The following CEP120 variants were observed in gnomAD, a reference collection of about 807,000 sequenced individuals.
CEP120 encodes centrosomal protein 120, also known as centrosomal protein of 120 kDa.
A neutral mutation model predicts 126.5 loss-of-function variants in CEP120; 113 were observed. The observed-to-expected ratio is 0.89, with a 90% CI of 0.77 to 1.04. The LOEUF is 1.04. Among genes scored for constraint, CEP120 ranks in the 50% least tolerant of loss-of-function variants. CEP120 has a pLI of 0.00. For missense variants in CEP120, 1,230 were observed against 1,155.7 expected (o/e 1.06, Z -0.93); for synonymous variants, 400 against 394.3 (o/e 1.01, Z -0.17).
chr5:123,347,114 A>G (rs771425153), intron 19 of CEP120, among the ~76,000 whole-genome samples: 9 of 152,172 alleles, frequency 5.9e-5, no homozygotes, highest in Non-Finnish European at 8.8e-5. Context: ...AAAAATGCAT[A>G]TATGTACTTA....
chr5:123,361,690 T>TC (rs943401404), intron 18 of CEP120, among the ~76,000 whole-genome samples: 2 of 151,794 alleles, frequency 1.3e-5, no homozygotes, highest in African/African-American at 4.8e-5. Context: ...TTTGTTCTGT[T>TC]CATCAATATC....
At chr5:123,350,660 A>G (rs939192441) in intron 18 of CEP120, among the ~76,000 whole-genome samples, 1 of 152,216 alleles carries the variant, frequency 6.6e-6, no homozygotes, top group Non-Finnish European at 1.5e-5. Flanking sequence ...CTGTCCCTAT[A>G]CAAATCACTA....
intron 18 of CEP120, among the ~76,000 whole-genome samples, chr5:123,363,994 AG>A (rs1770272300): frequency 6.6e-6 from 1 of 151,570 alleles, no homozygotes; most frequent in African/African-American, 2.4e-5. Flanking sequence ...GATTGGTAGC[AG>A]GAAAGAAAAA....
In CEP120 at chr5:123,346,518, A is replaced by G. The variant is rs140012450; in HGVS notation, c.*1T>C. The G allele has an allele frequency of 7.5e-5, 120 of 1,601,394 alleles. No individual in the cohort carries two copies. The highest frequency in any genetic ancestry group is 7.2e-5 in the Non-Finnish European group (84 of 1,172,042). ...TCTCTATAAAGCTTTTCCAAATGTT[A>G]TTAATTACTGGCATTGCTTTTTGCC... On this transcript the variant is annotated 3_prime_UTR_variant, in exon 20 of 20. Transcript: ENST00000306467.
chr5:123,365,947 T>C (rs1414514886), intron 17 of CEP120, among the ~76,000 whole-genome samples: 1 of 151,110 alleles, frequency 6.6e-6, no homozygotes, highest in African/African-American at 2.4e-5. Context: ...TCAGAAAAAA[T>C]TGTGGATAGG....
Position 123,346,598 on chromosome 5 carries a change from T to C in CEP120, c.2882A>G (p.Tyr961Cys). The change falls in exon 20 of 20, where the codon TAT becomes TGT. Residue 961 changes from tyrosine (Y) to cysteine (C), a missense_variant. Physicochemically the swap from Tyr to Cys is radical, Grantham distance 194. Transcript: ENST00000306467. ...ACTTATTATTCGATCCTCGTGATTA[T>C]ACACACCCGTTCTCATCAAAGTATC... ...ERDTLMRTGV[Y>C]NHEDRIISEL... is the part of the protein sequence containing the mutation. 1.2e-6 allele frequency: 2 copies of C among 1,614,028 alleles called. No individual in the cohort carries two copies. Among genetic ancestry groups the C allele is most frequent in the South Asian group, 1.1e-5 (1 of 91,060 alleles).
intron 2 of CEP120, 92 bp downstream of exon 2, chr5:123,418,267 G>T: frequency 8.5e-7 from 1 of 1,181,484 alleles, no homozygotes; most frequent in Non-Finnish European, 1.1e-6. Context: ...AATACTTCTG[G>T]TCCCAAGTAT....
intron 3 of CEP120, 112 bp downstream of exon 3, chr5:123,415,898 A>G: frequency 3.2e-6 from 2 of 633,308 alleles, no homozygotes; most frequent in South Asian, 5.2e-5. Context: ...TATTGGCTCA[A>G]GTCTATGACT....
chr5:123,386,730 A>G, intron 9 of CEP120, 63 bp from the exon 10 acceptor site: 2 of 1,243,966 alleles, frequency 1.6e-6, no homozygotes, highest in Non-Finnish European at 2.1e-6. Flanking sequence ...GATGACATTC[A>G]GTCTGTTTTT....
Position 123,390,520 on chromosome 5 carries a change from C to T in CEP120, c.1039-380G>A, listed in dbSNP as rs574905304. Among the ~76,000 whole-genome samples, 249 of 152,248 alleles carry T rather than the reference C, an allele frequency of 1.6e-3. 1 individual carries two copies. The highest frequency in any genetic ancestry group is 5.8e-3 in the African/African-American group (239 of 41,556). The stretch of plus-strand genomic sequence containing the variant: ...TTTCCTTCTCTCCTTTATTCCACTC[C>T]CCACTAAAAATATATGTATATGTAT... On this transcript the variant is annotated intron_variant, in intron 7 of 19. Transcript: ENST00000306467.
Position 123,402,203 on chromosome 5 carries a change from C to T in CEP120, c.464-2919G>A. The T allele has an allele frequency of 1.9e-6, 3 of 1,557,430 alleles. No homozygotes were observed. The East Asian group carries it at 6.7e-5, about 35-fold the overall frequency. The stretch of plus-strand genomic sequence containing the variant: ...CACCACAGCCGCCGCCCAGGCCACC[C>T]CGAAAGCAGCTGCTGCCCACTTGGG... On this transcript the variant is annotated intron_variant, in intron 4 of 19. Coordinates refer to ENST00000306467, the MANE Select transcript of CEP120 (RefSeq NM_001375405.1).
chr5:123,374,585 T>C (rs553196703), intron 16 of CEP120, among the ~76,000 whole-genome samples: 25 of 152,198 alleles, frequency 1.6e-4, no homozygotes, highest in African/African-American at 5.5e-4. Context: ...CCCTAAGGCA[T>C]AGGACTTACC....
At position 123,418,533 on chromosome 5, in the gene CEP120, A is replaced by G. The variant is rs1201838760; in HGVS notation, c.50-18T>C. On this transcript the variant is annotated intron_variant, in intron 1 of 19. Transcript: ENST00000306467. ...ATGCCGACCTGGAGAAACAGAATAT[A>G]TAGATTAATCAAAAGTGTACAAAAA... 1 of 1,563,920 alleles carries G rather than the reference A, an allele frequency of 6.4e-7. No homozygotes were observed.
intron 18 of CEP120, among the ~76,000 whole-genome samples, chr5:123,362,393 G>GGA (rs947374121): frequency 4.0e-5 from 6 of 151,658 alleles, no homozygotes; most frequent in African/African-American, 1.5e-4. Context: ...GCCTGAGGCT[G>GGA]GATTCATCAA....
intron 17 of CEP120, among the ~76,000 whole-genome samples, chr5:123,370,285 A>G (rs1057457788): frequency 5.9e-5 from 9 of 151,982 alleles, no homozygotes; most frequent in Admixed American, 6.6e-5. Context: ...GTATCTCAAC[A>G]TAAGCTTTAA....
At chr5:123,378,926 C>A (rs1771450006) in intron 14 of CEP120, among the ~76,000 whole-genome samples, 1 of 151,576 alleles carries the variant, frequency 6.6e-6, no homozygotes, top group Admixed American at 6.6e-5. Context: ...TATTTGAGGA[C>A]TGGGCTGTGG....
intron 18 of CEP120, among the ~76,000 whole-genome samples, chr5:123,363,523 C>T (rs1360110415): frequency 6.6e-6 from 1 of 151,448 alleles, no homozygotes; most frequent in Non-Finnish European, 1.5e-5. Flanking sequence ...GTCCTGTCAA[C>T]ATTTATATAA....
intron 4 of CEP120, among the ~76,000 whole-genome samples, chr5:123,409,102 G>A (rs975723986): frequency 6.6e-6 from 1 of 152,006 alleles, no homozygotes; most frequent in African/African-American, 2.4e-5. Flanking sequence ...TTTATCCCAG[G>A]TATGCAAGTC....
In CEP120 at chr5:123,358,717, G is replaced by A. The variant is rs564013595; in HGVS notation, c.2580+5779C>T. Among the ~76,000 whole-genome samples the A allele has an allele frequency of 3.3e-5, 5 of 151,798 alleles. No individual in the cohort carries two copies. The South Asian group carries it at 6.3e-4, about 19-fold the overall frequency. Reference sequence around the variant, plus strand: ...AATCACACACACACACAAGTTAGAGGGTAGTGAAAGAAGTCCTCTCCAGTG... The same window carrying A: ...AATCACACACACACACAAGTTAGAGAGTAGTGAAAGAAGTCCTCTCCAGTG... On this transcript the variant is annotated intron_variant, in intron 18 of 19. Transcript: ENST00000306467.
Sources: allele counts gnomAD v4.1 joint callset (sites outside exome capture counted in the v4.1 genomes callset), GRCh38; gene constraint gnomAD v4.1.1; transcripts MANE v1.5; gene names NCBI Gene and HGNC (gene_info 2026-07-23, HGNC 2026-07-21).